Variants in RASGRP1 observed in about 807,000 individuals in gnomAD.
RASGRP1 encodes RAS guanyl-releasing protein 1.
Under a neutral mutation model 95.1 loss-of-function variants are expected in RASGRP1, and 37 were observed. The observed-to-expected ratio is 0.39, with a 90% CI of 0.30 to 0.51. RASGRP1 has a LOEUF of 0.51. RASGRP1 is among the 20% of genes least tolerant of loss of function. The probability of loss-of-function intolerance (pLI) is 0.80; values close to 1 mark genes in which losing one functional copy is unlikely to be tolerated. For synonymous variants in RASGRP1, 325 were observed against 353.4 expected (o/e 0.92, Z 0.90); for missense variants, 711 against 965.4 (o/e 0.74, Z 3.49).
chr15:38,523,701 C>T (rs976596442), intron 3 of RASGRP1, among the ~76,000 whole-genome samples: 1 of 152,112 alleles, frequency 6.6e-6, no homozygotes, highest in African/African-American at 2.4e-5. Flanking sequence ...CTATACATAT[C>T]ATTTTTTAAT....
chr15:38,560,077 G>A (rs1188861566), intron 1 of RASGRP1, 72 bp from the exon 2 acceptor site: 1 of 1,343,488 alleles, frequency 7.4e-7, no homozygotes, highest in Non-Finnish European at 1.0e-6. Context: ...TGGAGAGGAA[G>A]GGAATGGAGA....
chr15:38,520,791 A>G (rs1418613836), intron 3 of RASGRP1, among the ~76,000 whole-genome samples: 1 of 152,180 alleles, frequency 6.6e-6, no homozygotes, highest in Non-Finnish European at 1.5e-5. Flanking sequence ...AAATTAACGA[A>G]ACATTTTTCA....
chr15:38,491,684 T>C (rs1566905909), intron 16 of RASGRP1, among the ~76,000 whole-genome samples: 1 of 152,196 alleles, frequency 6.6e-6, no homozygotes, highest in Non-Finnish European at 1.5e-5. Flanking sequence ...GAATTACACA[T>C]AGACTAGTCA....
intron 15 of RASGRP1, among the ~76,000 whole-genome samples, chr15:38,495,803 G>C (rs1386512578): frequency 6.6e-6 from 1 of 151,662 alleles, no homozygotes; most frequent in African/African-American, 2.4e-5. Context: ...GAGTATTATG[G>C]GTGATTATTT....
intron 12 of RASGRP1, among the ~76,000 whole-genome samples, chr15:38,501,656 T>G (rs1891030000): frequency 6.6e-6 from 1 of 152,208 alleles, no homozygotes; most frequent in African/African-American, 2.4e-5. Context: ...TGGAACCCAC[T>G]AACCATATGA....
rs757864721 is a variant in RASGRP1, at chr15:38,559,931, G to C, written c.110C>G (p.Ser37Cys). 7 of 1,613,738 alleles carry C rather than the reference G, an allele frequency of 4.3e-6. 1 individual carries two copies. In the South Asian group the frequency reaches 7.7e-5, roughly 18 times the overall value. The change falls in exon 2 of 17, where the codon TCC (serine) becomes TGC (cysteine). Residue 37 changes from serine (S) to cysteine (C), a missense_variant. By Grantham distance (112) the Ser-to-Cys change is moderately radical (BLOSUM62 -1). Transcript: ENST00000310803. ...EAKPANSPFPSHPSLAHITQF... is the reference protein window; with the variant it reads ...EAKPANSPFPCHPSLAHITQF... The stretch of plus-strand genomic sequence containing the variant: ...GGTGATGTGGGCCAAGCTGGGATGG[G>C]AGGGGAAGGGGCTGTTGGCTGGCTT...
At chr15:38,539,469 A>T (rs1312096138) in intron 2 of RASGRP1, among the ~76,000 whole-genome samples, 1 of 152,194 alleles carries the variant, frequency 6.6e-6, no homozygotes, top group African/African-American at 2.4e-5. Context: ...AGTAGCAAGA[A>T]GGGGCTACAA....
chr15:38,501,038 T>A (rs1890998435), intron 13 of RASGRP1, 105 bp downstream of exon 13: 1 of 1,318,108 alleles, frequency 7.6e-7, no homozygotes, highest in Admixed American at 2.6e-5. Flanking sequence ...CTGTCTGGGC[T>A]CCAAGCTGGG....
At chr15:38,535,097 T>C (rs1265678273) in intron 2 of RASGRP1, among the ~76,000 whole-genome samples, 6 of 152,154 alleles carry the variant, frequency 3.9e-5, no homozygotes, top group African/African-American at 1.2e-4. Flanking sequence ...AACATTTGCA[T>C]TGTACAGCAG....
At chr15:38,515,287 A>G (rs1040798679) in intron 6 of RASGRP1, among the ~76,000 whole-genome samples, 2 of 152,132 alleles carry the variant, frequency 1.3e-5, no homozygotes, top group African/African-American at 4.8e-5. Flanking sequence ...CCAGGAGAAT[A>G]CTGGTCATTT....
intron 2 of RASGRP1, among the ~76,000 whole-genome samples, chr15:38,539,118 G>A (rs1168291791): frequency 2.6e-5 from 4 of 152,170 alleles, no homozygotes. Context: ...CCCATCTTAT[G>A]AGTGACAGTG....
chr15:38,542,618 A>C (rs561927422), intron 2 of RASGRP1, among the ~76,000 whole-genome samples: 44 of 151,280 alleles, frequency 2.9e-4, no homozygotes, highest in African/African-American at 1.0e-3. Flanking sequence ...TCAGGGCAAC[A>C]TGCAAGGGAA....
At chr15:38,541,661 A>G (rs1372891898) in intron 2 of RASGRP1, among the ~76,000 whole-genome samples, 2 of 152,270 alleles carry the variant, frequency 1.3e-5, no homozygotes, top group South Asian at 2.1e-4. Flanking sequence ...TAAATCACTA[A>G]CCCACGGATA....
intron 2 of RASGRP1, among the ~76,000 whole-genome samples, chr15:38,557,007 A>G (rs1428771487): frequency 6.6e-6 from 1 of 152,072 alleles, no homozygotes; most frequent in Non-Finnish European, 1.5e-5. Flanking sequence ...ATGAGAAGAC[A>G]TCTAAACTCA....
intron 11 of RASGRP1, 175 bp downstream of exon 11, chr15:38,503,097 G>GT: frequency 3.3e-6 from 2 of 611,136 alleles, no homozygotes; most frequent in Non-Finnish European, 2.9e-6. Context: ...TGAGTCCAGT[G>GT]TGTGTTGTCA....
chr15:38,502,898 C>T lies in RASGRP1; in HGVS notation c.1428+374G>A, dbSNP rs554137257. 8.5e-5 allele frequency: 23 copies of T among 270,736 alleles called. No individual in the cohort carries two copies. The East Asian group carries it at 1.8e-3, about 22-fold the overall frequency. 16.8% of individuals were successfully genotyped at this position (270,736 alleles called of 1,614,324 possible). A position where few individuals can be genotyped will look rare whatever the true frequency, so the allele number is the denominator to read the frequency against. On this transcript the variant is annotated intron_variant, in intron 11 of 16. Coordinates refer to ENST00000310803, the MANE Select transcript of RASGRP1 (RefSeq NM_005739.4). ...ACATGCATAAGTATGAGAATATATACCCCTTCCTCAGCAATTAGCACAGAG... is the reference window on the plus strand; with the variant it reads ...ACATGCATAAGTATGAGAATATATATCCCTTCCTCAGCAATTAGCACAGAG...
chr15:38,563,092 C>T (rs566481116), intron 1 of RASGRP1, among the ~76,000 whole-genome samples: 1 of 152,270 alleles, frequency 6.6e-6, no homozygotes, highest in East Asian at 1.9e-4. Flanking sequence ...TTATCTGCAC[C>T]ATAGACTAGG....
chr15:38,505,152 C>G (rs953040539), intron 10 of RASGRP1, among the ~76,000 whole-genome samples: 1 of 152,186 alleles, frequency 6.6e-6, no homozygotes, highest in Non-Finnish European at 1.5e-5. Context: ...GTGGGCAACT[C>G]TCTTCCCTTG....
intron 1 of RASGRP1, among the ~76,000 whole-genome samples, chr15:38,564,052 G>C (rs1370430620): frequency 6.6e-6 from 1 of 152,230 alleles, no homozygotes; most frequent in Admixed American, 6.5e-5. Context: ...GAGGAGTGCA[G>C]CTTCCCATAC....
Sources: gnomAD v4.1 joint callset for allele counts (sites outside exome capture counted in the v4.1 genomes callset) on GRCh38, gnomAD v4.1.1 for gene constraint, MANE v1.5 for transcripts, NCBI Gene and HGNC (gene_info 2026-07-23, HGNC 2026-07-21) for gene names.